Variants in DAPK2 observed in about 807,000 individuals in gnomAD.
DAPK2 encodes the protein death-associated protein kinase 2.
Under a neutral mutation model 44.1 loss-of-function variants are expected in DAPK2, and 35 were observed. The ratio of observed to expected loss-of-function variants is 0.79; its 90% CI spans 0.61 to 1.05. The LOEUF is 1.05. DAPK2 is among the 50% of genes least tolerant of loss of function. DAPK2 has a pLI of 0.00. For synonymous variants in DAPK2, 174 were observed against 182.6 expected, an observed-to-expected ratio of 0.95 and a Z score of 0.38; for missense variants, 453 against 483.2, an observed-to-expected ratio of 0.94 and a Z score of 0.59.
intron 8 of DAPK2, 65 bp downstream of exon 9, chr15:63,924,751 C>G (rs1288519992): frequency 5.0e-6 from 8 of 1,587,438 alleles, no homozygotes; most frequent in Non-Finnish European, 6.9e-6. Context: ...ATCTGGCTGC[C>G]CAGGCCAACC....
chr15:64,038,685 T>C (rs1406736379), intron 1 of DAPK2, among the ~76,000 whole-genome samples: 3 of 151,188 alleles, frequency 2.0e-5, no homozygotes, highest in African/African-American at 7.3e-5. Context: ...CTTTGAAAGT[T>C]TAAAAAAAAA....
At chr15:63,978,043 T>C (rs1219629582) in intron 2 of DAPK2, among the ~76,000 whole-genome samples, 1 of 152,202 alleles carries the variant, frequency 6.6e-6, no homozygotes, top group Non-Finnish European at 1.5e-5. Context: ...AGCTATATTA[T>C]TTTTGCTTCC....
intron 1 of DAPK2, among the ~76,000 whole-genome samples, chr15:64,004,880 T>C (rs1180844631): frequency 6.6e-6 from 1 of 152,232 alleles, no homozygotes; most frequent in Non-Finnish European, 1.5e-5. Context: ...TTGGCTTCAG[T>C]GCCAAATCAG....
intron 4 of DAPK2, 92 bp from the exon 6 acceptor site, chr15:63,930,547 C>G (rs2079513702): frequency 8.5e-7 from 1 of 1,176,436 alleles, no homozygotes; most frequent in African/African-American, 1.5e-5. Flanking sequence ...TGCCAAATAT[C>G]TCCATCCTGA....
At chr15:63,933,749 C>A (rs1019983549) in intron 4 of DAPK2, among the ~76,000 whole-genome samples, 1 of 151,922 alleles carries the variant, frequency 6.6e-6, no homozygotes, top group Admixed American at 6.6e-5. Context: ...CAGGCATGTG[C>A]CACTATACCA....
intron 1 of DAPK2, among the ~76,000 whole-genome samples, chr15:63,987,608 A>G (rs1198475628): frequency 6.6e-6 from 1 of 152,136 alleles, no homozygotes; most frequent in Non-Finnish European, 1.5e-5. Context: ...TCTGCTATCA[A>G]AGTTTCATGG....
chr15:63,931,509 A>C (rs1397170389), intron 4 of DAPK2, among the ~76,000 whole-genome samples: 1 of 152,200 alleles, frequency 6.6e-6, no homozygotes, highest in African/African-American at 2.4e-5. Context: ...ATGAAGAAGA[A>C]GGCAGAGAAG....
intron 8 of DAPK2, among the ~76,000 whole-genome samples, chr15:63,913,981 C>T (rs900529041): frequency 6.6e-6 from 1 of 152,206 alleles, no homozygotes; most frequent in Non-Finnish European, 1.5e-5. Context: ...AATGCCCTGC[C>T]CTACTCTCCT....
intron 3 of DAPK2, among the ~76,000 whole-genome samples, chr15:63,962,343 T>C (rs910042908): frequency 1.3e-5 from 2 of 152,246 alleles, no homozygotes; most frequent in Non-Finnish European, 2.9e-5. Context: ...AGCCTTCTTC[T>C]CTCAACTTGT....
At chr15:63,973,469 T>C (rs950499658) in intron 2 of DAPK2, among the ~76,000 whole-genome samples, 1 of 152,242 alleles carries the variant, frequency 6.6e-6, no homozygotes, top group Non-Finnish European at 1.5e-5. Context: ...TCCTTTATTC[T>C]TTCCCATTCT....
Position 63,924,810 on chromosome 15 carries a change from C to A in DAPK2, c.858+6G>T. The A allele has an allele frequency of 6.2e-7, 1 of 1,614,128 alleles. No homozygotes were observed. The highest frequency in any genetic ancestry group is 8.5e-7 in the Non-Finnish European group (1 of 1,179,994). Reference sequence around the variant, plus strand: ...TGCCCATTGGAACTCATGGCTGTGCCCTTACCGTGATCCAGGGGTGTCTGA... The same window carrying A: ...TGCCCATTGGAACTCATGGCTGTGCACTTACCGTGATCCAGGGGTGTCTGA... On this transcript the variant is annotated splice_donor_region_variant and intron_variant, in intron 8 of 10. Transcript: ENST00000261891.
chr15:63,972,713 T>C (rs1449987883), intron 2 of DAPK2, among the ~76,000 whole-genome samples: 5 of 152,168 alleles, frequency 3.3e-5, no homozygotes, highest in Non-Finnish European at 7.3e-5. Context: ...TCCTCTTGAC[T>C]ACTTAAAGTA....
chr15:64,034,255 T>C (rs1410409341), intron 1 of DAPK2, among the ~76,000 whole-genome samples: 1 of 152,114 alleles, frequency 6.6e-6, no homozygotes, highest in Non-Finnish European at 1.5e-5. Flanking sequence ...TAGAGGATGT[T>C]GTTTCTTTCC....
At chr15:63,999,980 T>C (rs1240134962) in intron 1 of DAPK2, among the ~76,000 whole-genome samples, 1 of 152,068 alleles carries the variant, frequency 6.6e-6, no homozygotes, top group Non-Finnish European at 1.5e-5. Context: ...TTGCCCAGGC[T>C]GGTCTCGAAC....
At chr15:63,922,761 C>T in intron 8 of DAPK2, 1 of 1,522,602 alleles carries the variant, frequency 6.6e-7, no homozygotes, top group Non-Finnish European at 8.8e-7. Flanking sequence ...GCCAGAAATT[C>T]CTCAGTGCAT....
At chr15:63,972,587 G>A (rs79800515) in intron 2 of DAPK2, among the ~76,000 whole-genome samples, 4,243 of 152,338 alleles carry the variant, frequency 0.028, 111 homozygotes, top group South Asian at 0.13. Flanking sequence ...AGCAGAGAAC[G>A]TGGCTGAATT....
rs1255909854 is a variant in DAPK2, at chr15:63,990,207, C to G, written c.93-6453G>C. Among the ~76,000 whole-genome samples, 1 of 151,756 alleles carries G rather than the reference C, an allele frequency of 6.6e-6. No individual in the cohort carries two copies. The highest frequency in any genetic ancestry group is 1.5e-5 in the Non-Finnish European group (1 of 67,948). ...CCAGCACTCTGGGAGGCGGGAGGAT[C>G]ACCTGAGGTCAAGAGTTTGAGACCA... On this transcript the variant is annotated intron_variant, in intron 1 of 10. Transcript: ENST00000261891. The surrounding 1 kb of genome is among the most constrained non-coding windows in gnomAD (Gnocchi z 4.3).
rs2078922411 is a variant in DAPK2, at chr15:63,916,229, C to T, written c.859-4032G>A. 2 of 151,390 alleles carry T rather than the reference C, an allele frequency of 1.3e-5. No homozygotes were observed. The highest frequency in any genetic ancestry group is 4.9e-5 in the African/African-American group (2 of 40,640). The allele number at this position is 151,390 out of a possible 1,614,324, so 9.4% of individuals were successfully genotyped here. Reference sequence around the variant, plus strand: ...TGTGCCAGGTCAGTACCAACATCCACAGGCAGGGGCAGGAAGCAGCAGCCG... The same window carrying T: ...TGTGCCAGGTCAGTACCAACATCCATAGGCAGGGGCAGGAAGCAGCAGCCG... On this transcript the variant is annotated intron_variant, in intron 8 of 10. Transcript: ENST00000261891. The surrounding 1 kb of genome is among the most constrained non-coding windows in gnomAD (Gnocchi z 4.7).
chr15:63,943,113 C>CAAAAA (rs5813266), intron 3 of DAPK2, among the ~76,000 whole-genome samples: 2 of 145,100 alleles, frequency 1.4e-5, no homozygotes, highest in South Asian at 2.2e-4. Flanking sequence ...ATTCCTTTTG[C>CAAAAA]AAAAAAAAAA....
Sources: gnomAD v4.1 joint callset for allele counts (sites outside exome capture counted in the v4.1 genomes callset) on GRCh38, gnomAD v4.1.1 for gene constraint, Gnocchi (gnomAD v3.1) non-coding constraint, MANE v1.5 for transcripts, NCBI Gene and HGNC (gene_info 2026-07-23, HGNC 2026-07-21) for gene names.